Variants in TAFA5 observed in about 807,000 individuals in gnomAD.
TAFA5 encodes the protein chemokine-like protein TAFA-5.
Under a neutral mutation model 15.3 loss-of-function variants are expected in TAFA5, and 6 were observed. The ratio of observed to expected loss-of-function variants is 0.39; its 90% CI spans 0.21 to 0.77. The LOEUF (loss-of-function observed/expected upper bound fraction) is 0.77, where lower values mean the gene tolerates loss of function less well. Among genes scored for constraint, TAFA5 ranks in the 30% least tolerant of loss-of-function variants. The pLI is 0.41. For synonymous variants in TAFA5, 103 were observed against 80.7 expected, an observed-to-expected ratio of 1.28 and a Z score of -1.48; for missense variants, 161 against 193.1, an observed-to-expected ratio of 0.83 and a Z score of 0.98.
rs1180038872 is a variant in TAFA5 at position 48,646,812 on chromosome 22, C to T, written c.262+66C>T. ...GCGGCGTCACCAAAGGTGCCTCTTC[C>T]CTGACGCGGCCCCTTACCTGAAGGT... is the stretch of plus-strand genomic sequence containing the variant. On this transcript the variant is annotated intron_variant, in intron 2 of 3. Coordinates refer to ENST00000402357, the MANE Select transcript of TAFA5 (RefSeq NM_001082967.3). 2.0e-6 allele frequency: 3 copies of T among 1,498,778 alleles called. No individual in the cohort carries two copies. The African/African-American group carries it at 4.1e-5, about 21-fold the overall frequency. The allele number at this position is 1,498,778 out of a possible 1,614,324, so 92.8% of individuals were successfully genotyped here. A position where few individuals can be genotyped will look rare whatever the true frequency, so the allele number is the denominator to read the frequency against.
chr22:48,597,318 G>A (rs909440599), intron 1 of TAFA5, among the ~76,000 whole-genome samples: 3 of 142,026 alleles, frequency 2.1e-5, no homozygotes, highest in Non-Finnish European at 1.5e-5. Context: ...CTACCGGCTG[G>A]CTCATATGCA....
intron 1 of TAFA5, among the ~76,000 whole-genome samples, chr22:48,599,309 C>G (rs28398153): frequency 4.6e-5 from 7 of 152,270 alleles, no homozygotes; most frequent in African/African-American, 1.2e-4. Flanking sequence ...GCCTTCAGTC[C>G]GCTCCGTAAC....
intron 1 of TAFA5, among the ~76,000 whole-genome samples, chr22:48,577,184 C>T (rs1449949041): frequency 2.0e-5 from 3 of 152,250 alleles, no homozygotes; most frequent in Admixed American, 6.5e-5. Flanking sequence ...GCAGGGCAGT[C>T]TGGGACTATT....
chr22:48,554,554 G>A (rs960647716), intron 1 of TAFA5, among the ~76,000 whole-genome samples: 1 of 152,150 alleles, frequency 6.6e-6, no homozygotes, highest in African/African-American at 2.4e-5. Flanking sequence ...GACTGAAACT[G>A]TCATTTTAAT....
intron 1 of TAFA5, among the ~76,000 whole-genome samples, chr22:48,591,867 C>A (rs970490275): frequency 3.3e-5 from 5 of 152,222 alleles, no homozygotes; most frequent in African/African-American, 1.2e-4. Flanking sequence ...GTCTCCCTCT[C>A]AGGGCAGCCA....
At chr22:48,612,870 G>A (rs1205017705) in intron 1 of TAFA5, among the ~76,000 whole-genome samples, 1 of 152,184 alleles carries the variant, frequency 6.6e-6, no homozygotes, top group Non-Finnish European at 1.5e-5. Context: ...GAGAGCCACG[G>A]CCGACTGGTC....
intron 1 of TAFA5, among the ~76,000 whole-genome samples, chr22:48,627,643 C>T (rs1339380127): frequency 6.6e-6 from 1 of 152,214 alleles, no homozygotes; most frequent in African/African-American, 2.4e-5. Flanking sequence ...GGGAGGCCCA[C>T]GCTGTTGGAC....
rs28690618 is a variant in TAFA5 at position 48,740,595 on chromosome 22, G to A, written c.391-9244G>A. On this transcript the variant is annotated intron_variant, in intron 3 of 3. Transcript: ENST00000402357. ...GTGGCAGCGTCGTGGCTTCAGAACC[G>A]TCTCAGCGAAGGTCCAGCACCGTCA... 6.0e-3 allele frequency among the ~76,000 whole-genome samples: 915 copies of A among 152,244 alleles called. 8 individuals carry two copies. The highest frequency in any genetic ancestry group is 0.02 in the African/African-American group (840 of 41,542).
At chr22:48,593,772 C>T (rs1924661688) in intron 1 of TAFA5, among the ~76,000 whole-genome samples, 1 of 152,138 alleles carries the variant, frequency 6.6e-6, no homozygotes, top group African/African-American at 2.4e-5. Flanking sequence ...GCCTCCACTT[C>T]CCGATCTGTG....
At chr22:48,561,778 A>C (rs1923239821) in intron 1 of TAFA5, among the ~76,000 whole-genome samples, 1 of 152,208 alleles carries the variant, frequency 6.6e-6, no homozygotes, top group East Asian at 1.9e-4. Context: ...GCAGACGTTG[A>C]GTCACTGACC....
intron 1 of TAFA5, among the ~76,000 whole-genome samples, chr22:48,513,866 C>A (rs1921311810): frequency 6.6e-6 from 1 of 152,170 alleles, no homozygotes; most frequent in South Asian, 2.1e-4. Context: ...GCTGTGGGGG[C>A]CAAGAAGAGG....
intron 3 of TAFA5, among the ~76,000 whole-genome samples, chr22:48,740,602 C>T (rs1423065645): frequency 3.3e-5 from 5 of 152,110 alleles, no homozygotes; most frequent in African/African-American, 9.7e-5. Context: ...ACCGTCTCAG[C>T]GAAGGTCCAG....
At chr22:48,539,534 TTTCTC>T (rs2147117989) in intron 1 of TAFA5, 4 of 466,138 alleles carry the variant, frequency 8.6e-6, no homozygotes, top group Middle Eastern at 3.3e-4. Flanking sequence ...CACTGCAACT[TTTCTC>T]TTCCCACTTT....
chr22:48,590,175 G>A (rs1924511798), intron 1 of TAFA5, among the ~76,000 whole-genome samples: 1 of 152,200 alleles, frequency 6.6e-6, no homozygotes, highest in Non-Finnish European at 1.5e-5. Context: ...GAGGTGGAAT[G>A]CCACGGAGGC....
intron 1 of TAFA5, among the ~76,000 whole-genome samples, chr22:48,495,180 C>T (rs561792720): frequency 6.6e-6 from 1 of 152,340 alleles, no homozygotes; most frequent in East Asian, 1.9e-4. Flanking sequence ...GGGTCTCCTT[C>T]CAGCACTGCT....
At chr22:48,741,334 C>T (rs919662319) in intron 3 of TAFA5, among the ~76,000 whole-genome samples, 6 of 152,212 alleles carry the variant, frequency 3.9e-5, no homozygotes, top group African/African-American at 1.2e-4. Context: ...CCGCTGGGTC[C>T]CATCTGGGCA....
chr22:48,692,965 C>G (rs1292366477), intron 2 of TAFA5, among the ~76,000 whole-genome samples: 1 of 152,210 alleles, frequency 6.6e-6, no homozygotes. Flanking sequence ...CCTTGGGCCC[C>G]GTCATCTTGA....
intron 2 of TAFA5, among the ~76,000 whole-genome samples, chr22:48,659,241 G>T (rs1246535245): frequency 6.6e-6 from 1 of 152,258 alleles, no homozygotes; most frequent in African/African-American, 2.4e-5. Context: ...TGCTCGCTGG[G>T]CTTTGAGCAA....
At chr22:48,599,647 C>G (rs1321717170) in intron 1 of TAFA5, among the ~76,000 whole-genome samples, 2 of 152,258 alleles carry the variant, frequency 1.3e-5, no homozygotes, top group Non-Finnish European at 2.9e-5. Context: ...GCCACCTCCA[C>G]TTCACAGGCC....
Sources: allele counts gnomAD v4.1 joint callset (sites outside exome capture counted in the v4.1 genomes callset), GRCh38; gene constraint gnomAD v4.1.1; transcripts MANE v1.5; gene names NCBI Gene and HGNC (gene_info 2026-07-23, HGNC 2026-07-21).